SPG21: variants seen among roughly 807,000 people sequenced by gnomAD.
The protein encoded by SPG21 is SPG21 abhydrolase domain containing, maspardin.
A neutral mutation model predicts 38.9 loss-of-function variants in SPG21; 26 were observed. The ratio of observed to expected loss-of-function variants is 0.67; its 90% CI spans 0.49 to 0.93. The LOEUF is 0.93. Among genes scored for constraint, SPG21 ranks in the 40% least tolerant of loss-of-function variants. The pLI, the probability that SPG21 is intolerant of heterozygous loss-of-function variation, is 0.00. For missense variants in SPG21, 333 were observed against 376.5 expected, an observed-to-expected ratio of 0.88 and a Z score of 0.96; for synonymous variants, 136 against 128.9, an observed-to-expected ratio of 1.05 and a Z score of -0.37.
At chr15:64,987,606 A>G (rs180798569) in intron 1 of SPG21, 2 of 152,412 alleles carry the variant, frequency 1.3e-5, no homozygotes, top group East Asian at 3.9e-4. Context: ...GTTCTTCACA[A>G]AAACAAAAGC....
intron 1 of SPG21, chr15:64,989,452 G>A (rs2086071619): frequency 6.6e-6 from 1 of 152,286 alleles, no homozygotes; most frequent in African/African-American, 2.4e-5. Flanking sequence ...ACAAAGGCAG[G>A]GTCACAAGCA....
Position 64,963,497 on chromosome 15 carries a change from CCAGA to C in SPG21, c.*119_*122del. On this transcript the variant is annotated 3_prime_UTR_variant, in exon 9 of 9. Coordinates refer to ENST00000204566, the MANE Select transcript of SPG21 (RefSeq NM_016630.7). Reference sequence around the variant, plus strand: ...TGAAGATGACCATCAGTCCTACTTCCCAGACACAGTGAGAACCGGTGAGCCTGAC... The same window carrying C: ...TGAAGATGACCATCAGTCCTACTTCCCACAGTGAGAACCGGTGAGCCTGAC... 1 of 765,436 alleles carries C rather than the reference CCAGA, an allele frequency of 1.3e-6. No individual in the cohort carries two copies. Among genetic ancestry groups the C allele is most frequent in the East Asian group, 2.5e-5 (1 of 40,582 alleles). 47.4% of individuals were successfully genotyped at this position (765,436 alleles called of 1,614,324 possible).
At chr15:64,983,745 C>T (rs1253775985) in intron 1 of SPG21, among the ~76,000 whole-genome samples, 152 bp from the exon 2 acceptor site, 1 of 150,984 alleles carries the variant, frequency 6.6e-6, no homozygotes, top group African/African-American at 2.4e-5. Flanking sequence ...CTACAGAAAA[C>T]AATTTGGTGA....
At chr15:64,972,413 T>C (rs4346160) in intron 5 of SPG21, among the ~76,000 whole-genome samples, 52,574 of 152,126 alleles carry the variant, frequency 0.35, 10,244 homozygotes, top group South Asian at 0.49. Flanking sequence ...AGAACAGCAA[T>C]AAAAATCACC....
intron 1 of SPG21, among the ~76,000 whole-genome samples, chr15:64,985,328 G>C (rs1315713174): frequency 6.6e-6 from 1 of 152,138 alleles, no homozygotes; most frequent in African/African-American, 2.4e-5. Context: ...CCAAAGCTTA[G>C]ATCAGTGCTT....
intron 7 of SPG21, 55 bp from the exon 8 acceptor site, chr15:64,965,515 T>C (rs1225782736): frequency 1.2e-6 from 2 of 1,602,590 alleles, no homozygotes; most frequent in African/African-American, 1.3e-5. Context: ...CACACACACA[T>C]ACAGAAAGCT....
intron 7 of SPG21, among the ~76,000 whole-genome samples, chr15:64,968,377 G>A (rs977245654): frequency 6.7e-6 from 1 of 149,684 alleles, no homozygotes; most frequent in African/African-American, 2.4e-5. Flanking sequence ...ATGACATTCT[G>A]ACACATGTAT....
intron 7 of SPG21, among the ~76,000 whole-genome samples, chr15:64,968,377 GAC>G (rs2085589281): frequency 6.7e-6 from 1 of 149,684 alleles, no homozygotes; most frequent in South Asian, 2.1e-4. Context: ...ATGACATTCT[GAC>G]ACATGTATAA....
chr15:64,969,683 TTTTG>T (rs2085621130), intron 6 of SPG21, among the ~76,000 whole-genome samples: 1 of 34,412 alleles, frequency 2.9e-5, no homozygotes, highest in African/African-American at 4.8e-5. Flanking sequence ...AGATATATGT[TTTTG>T]TTTTTTTTTT....
chr15:64,978,757 C>T (rs1350406819), intron 3 of SPG21, among the ~76,000 whole-genome samples: 4 of 152,028 alleles, frequency 2.6e-5, no homozygotes, highest in Admixed American at 6.6e-5. Flanking sequence ...TTATAAATAT[C>T]CATGCCCACA....
At chr15:64,979,379 G>A (rs915362023) in intron 3 of SPG21, among the ~76,000 whole-genome samples, 5 of 152,216 alleles carry the variant, frequency 3.3e-5, no homozygotes, top group African/African-American at 1.2e-4. Flanking sequence ...GGGCTGGGAT[G>A]AGGGCAGTTC....
chr15:64,984,156 T>G (rs1595880362), intron 1 of SPG21, among the ~76,000 whole-genome samples: 1 of 152,104 alleles, frequency 6.6e-6, no homozygotes, highest in Admixed American at 6.6e-5. Context: ...TCTAGAAAAT[T>G]TAAATGACTT....
chr15:64,983,785 CTT>C (rs764804415), intron 1 of SPG21, among the ~76,000 whole-genome samples, 192 bp from the exon 2 acceptor site: 27 of 140,048 alleles, frequency 1.9e-4, no homozygotes, highest in Non-Finnish European at 1.4e-4. Context: ...CAGAAGCACT[CTT>C]TTTTTTTTTT....
chr15:64,969,607 C>T (rs983556646), intron 6 of SPG21, among the ~76,000 whole-genome samples: 1 of 152,050 alleles, frequency 6.6e-6, no homozygotes, highest in Non-Finnish European at 1.5e-5. Flanking sequence ...CAGCCCTCAG[C>T]CTACACTGCC....
In SPG21 at chr15:64,965,374, T is replaced by C; in HGVS notation, c.756A>G (p.Thr252=). ...TGCACAGGTATGGGAAATTGCCTCC[T>C]GTTTTCAGATGAGCTCTTCGGGCAT... ...YPNARRAHLK[T]GGNFPYLCRS... The change falls in exon 8 of 9, where the codon ACA becomes ACG. Residue 252 remains threonine (T), a synonymous_variant. Transcript: ENST00000204566. The C allele has an allele frequency of 6.2e-7, 1 of 1,614,218 alleles. No homozygotes were observed. The highest frequency in any genetic ancestry group is 8.5e-7 in the Non-Finnish European group (1 of 1,180,046).
At chr15:64,971,551 T>A (rs1373658682) in intron 5 of SPG21, among the ~76,000 whole-genome samples, 1 of 144,560 alleles carries the variant, frequency 6.9e-6, no homozygotes, top group East Asian at 2.1e-4. Flanking sequence ...AAAAAAAAAA[T>A]TTACTGAGCC....
chr15:64,987,934 T>A (rs1401661904), intron 1 of SPG21, among the ~76,000 whole-genome samples: 1 of 152,186 alleles, frequency 6.6e-6, no homozygotes, highest in African/African-American at 2.4e-5. Flanking sequence ...CGCAGGAAGC[T>A]GAGGCAGAAG....
intron 3 of SPG21, among the ~76,000 whole-genome samples, chr15:64,977,824 CTTTTTT>C (rs771768926): frequency 6.6e-6 from 1 of 151,362 alleles, no homozygotes; most frequent in Non-Finnish European, 1.5e-5. Context: ...CTAAGAATTC[CTTTTTT>C]TTGTTTGTTT....
rs770000236 is a variant in SPG21, at chr15:64,976,258, T to C, written c.306+217A>G. ...TGGCCAACCTGGCGAAACCCCATCT[T>C]TACTAAAAATACAAAAACTAGCCGG... On this transcript the variant is annotated intron_variant, in intron 4 of 8. Transcript: ENST00000204566. Among the ~76,000 whole-genome samples, 49 of 151,108 alleles carry C rather than the reference T, an allele frequency of 3.2e-4. 1 individual carries two copies. The highest frequency in any genetic ancestry group is 6.8e-3 in the Middle Eastern group (2 of 294).
Sources: allele counts gnomAD v4.1 joint callset (sites outside exome capture counted in the v4.1 genomes callset), GRCh38; gene constraint gnomAD v4.1.1; transcripts MANE v1.5; gene names NCBI Gene and HGNC (gene_info 2026-07-23, HGNC 2026-07-21).